OXR1: variants seen among roughly 807,000 people sequenced by gnomAD.
OXR1 encodes oxidation resistance protein 1.
OXR1 carries 41 observed loss-of-function variants against 104.6 expected under a neutral mutation model. That is an observed-to-expected ratio of 0.39 (90% CI 0.31 to 0.51). The LOEUF (loss-of-function observed/expected upper bound fraction) is 0.51, where lower values mean the gene tolerates loss of function less well. Among genes scored for constraint, OXR1 ranks in the 20% least tolerant of loss-of-function variants. The pLI, the probability that OXR1 is intolerant of heterozygous loss-of-function variation, is 0.77. For synonymous variants in OXR1, 348 were observed against 348.4 expected (o/e 1.00, Z 0.01); for missense variants, 955 against 1,031.9 (o/e 0.93, Z 1.02).
At chr8:106,385,176 C>G (rs774650715) in intron 2 of OXR1, among the ~76,000 whole-genome samples, 6 of 152,174 alleles carry the variant, frequency 3.9e-5, no homozygotes, top group Non-Finnish European at 7.3e-5. Flanking sequence ...TGTGCAACTC[C>G]TTCAAAGAAG....
At chr8:106,678,806 C>T (rs898140467) in intron 3 of OXR1, among the ~76,000 whole-genome samples, 9 of 151,772 alleles carry the variant, frequency 5.9e-5, no homozygotes, top group African/African-American at 4.8e-5. Context: ...CCTGTGAGAA[C>T]TAATGTTACA....
chr8:106,296,251 A>G (rs1812990177), intron 1 of OXR1, among the ~76,000 whole-genome samples: 1 of 152,196 alleles, frequency 6.6e-6, no homozygotes, highest in South Asian at 2.1e-4. Flanking sequence ...ACTTTCGCTT[A>G]GCTACAGGTG....
At chr8:106,419,496 C>A (rs1206099338) in intron 2 of OXR1, among the ~76,000 whole-genome samples, 1 of 152,114 alleles carries the variant, frequency 6.6e-6, no homozygotes, top group East Asian at 1.9e-4. Flanking sequence ...ATGAGCTCAT[C>A]ATATAGCTAG....
At chr8:106,682,244 G>T (rs1828226383) in intron 4 of OXR1, among the ~76,000 whole-genome samples, 2 of 144,126 alleles carry the variant, frequency 1.4e-5, no homozygotes, top group African/African-American at 2.5e-5. Context: ...GCACTTATTT[G>T]TGTTTTCTTC....
intron 3 of OXR1, chr8:106,657,862 T>G (rs28921372): frequency 0.18 from 223,221 of 1,241,120 alleles, 20,552 homozygotes; most frequent in East Asian, 0.32. Context: ...CCGCCTCTTG[T>G]GAGGCGCGCG....
chr8:106,521,279 CA>C lies in OXR1; in HGVS notation c.220+2141del, dbSNP rs1482068558. On this transcript the variant is annotated intron_variant, in intron 3 of 16. Coordinates refer to ENST00000517566, the MANE Select transcript of OXR1 (RefSeq NM_001198533.2). ...TTCATTTATTGATAATTTCATATGC[CA>C]GGGGCAATTTAAGCTCCTGGGTTTT... Among the ~76,000 whole-genome samples the C allele has an allele frequency of 3.9e-5, 6 of 152,112 alleles. No homozygotes were observed. The East Asian group carries it at 9.7e-4, about 25-fold the overall frequency.
chr8:106,321,150 T>C (rs73701141), intron 1 of OXR1, among the ~76,000 whole-genome samples: 3,658 of 152,338 alleles, frequency 0.024, 54 homozygotes, highest in South Asian at 0.097. Flanking sequence ...AGTTAAAAAA[T>C]AGTTTTTAGG....
In OXR1 at chr8:106,733,664, G is replaced by A. The variant is rs112073401; in HGVS notation, c.1957-3856G>A. On this transcript the variant is annotated intron_variant, in intron 11 of 16. Coordinates refer to ENST00000517566, the MANE Select transcript of OXR1 (RefSeq NM_001198533.2). ...TCTACAAAAAATACAAAAATTAGCCGTGCGTGGTGGCACACACCTGTAGTC... is the reference window on the plus strand; with the variant it reads ...TCTACAAAAAATACAAAAATTAGCCATGCGTGGTGGCACACACCTGTAGTC... Among the ~76,000 whole-genome samples the A allele has an allele frequency of 5.0e-3, 761 of 151,312 alleles. 2 individuals carry two copies. Among genetic ancestry groups the A allele is most frequent in the Non-Finnish European group, 7.7e-3 (523 of 67,850 alleles).
chr8:106,464,684 T>C (rs1469399315), intron 2 of OXR1, among the ~76,000 whole-genome samples: 1 of 152,100 alleles, frequency 6.6e-6, no homozygotes, highest in Non-Finnish European at 1.5e-5. Context: ...TTTTCTGTTA[T>C]TGACTTCATA....
intron 2 of OXR1, among the ~76,000 whole-genome samples, chr8:106,437,064 T>A (rs1819609222): frequency 6.6e-6 from 1 of 152,150 alleles, no homozygotes; most frequent in African/African-American, 2.4e-5. Context: ...AGGACTCAGA[T>A]CCAGATTCAT....
At chr8:106,286,305 GAT>G (rs1157942450) in intron 1 of OXR1, among the ~76,000 whole-genome samples, 1 of 147,274 alleles carries the variant, frequency 6.8e-6, no homozygotes, top group Non-Finnish European at 1.5e-5. Context: ...CAGCCAGTAT[GAT>G]TTCTGAATAT....
chr8:106,486,658 ATT>A (rs1385736607), intron 2 of OXR1, among the ~76,000 whole-genome samples: 6 of 152,030 alleles, frequency 3.9e-5, no homozygotes, highest in Admixed American at 3.9e-4. Flanking sequence ...AAATAGACCT[ATT>A]TTTATTTATA....
At chr8:106,736,556 T>C (rs1469912409) in intron 11 of OXR1, among the ~76,000 whole-genome samples, 3 of 152,200 alleles carry the variant, frequency 2.0e-5, no homozygotes, top group Non-Finnish European at 4.4e-5. Flanking sequence ...TCGTCACATA[T>C]TTATCACACC....
intron 2 of OXR1, among the ~76,000 whole-genome samples, chr8:106,397,578 G>A (rs1817829926): frequency 6.6e-6 from 1 of 151,666 alleles, no homozygotes; most frequent in Non-Finnish European, 1.5e-5. Flanking sequence ...TGGGAATTTT[G>A]ATGAAATAAA....
intron 1 of OXR1, among the ~76,000 whole-genome samples, chr8:106,334,287 C>A (rs915352950): frequency 7.2e-5 from 11 of 152,070 alleles, no homozygotes; most frequent in African/African-American, 2.7e-4. Flanking sequence ...GGAAATACAA[C>A]TGAACTTTGT....
intron 2 of OXR1, among the ~76,000 whole-genome samples, chr8:106,495,606 C>T (rs1008521440): frequency 6.6e-6 from 1 of 152,076 alleles, no homozygotes; most frequent in African/African-American, 2.4e-5. Context: ...TGCTGTGTAT[C>T]CTGGGGTAAG....
chr8:106,642,638 A>C (rs572163086), intron 3 of OXR1, among the ~76,000 whole-genome samples: 1 of 152,342 alleles, frequency 6.6e-6, no homozygotes, highest in Admixed American at 6.5e-5. Flanking sequence ...TGCTGCCCAA[A>C]AAGGAATCTG....
At chr8:106,596,973 A>G (rs1454878449) in intron 3 of OXR1, among the ~76,000 whole-genome samples, 1 of 152,012 alleles carries the variant, frequency 6.6e-6, no homozygotes, top group Middle Eastern at 3.2e-3. Context: ...GTATGGCTTG[A>G]ACCTGGGAGG....
intron 2 of OXR1, among the ~76,000 whole-genome samples, chr8:106,377,526 A>C (rs1286176236): frequency 1.3e-5 from 2 of 152,182 alleles, no homozygotes; most frequent in Non-Finnish European, 2.9e-5. Flanking sequence ...TGACGCAATC[A>C]GGGTAAGTTA....
Sources: gnomAD v4.1 joint callset for allele counts (sites outside exome capture counted in the v4.1 genomes callset) on GRCh38, gnomAD v4.1.1 for gene constraint, MANE v1.5 for transcripts, NCBI Gene and HGNC (gene_info 2026-07-23, HGNC 2026-07-21) for gene names.